The following NDUFA5 variants were observed in gnomAD, a reference collection of about 807,000 sequenced individuals.
NDUFA5 encodes the protein NADH dehydrogenase [ubiquinone] 1 alpha subcomplex subunit 5.
Under a neutral mutation model 19.8 loss-of-function variants are expected in NDUFA5, and 11 were observed. That is an observed-to-expected ratio of 0.56 (90% CI 0.35 to 0.92). NDUFA5 has a LOEUF of 0.92. Ranked by LOEUF, NDUFA5 falls within the 40% of genes least tolerant of loss-of-function variation. The pLI is 0.01. For synonymous variants in NDUFA5, 47 were observed against 46.8 expected (o/e 1.00, Z -0.01); for missense variants, 109 against 134.2 (o/e 0.81, Z 0.93).
At chr7:123,561,513 A>G (rs1384150959), upstream of NDUFA5, among the ~76,000 whole-genome samples, 3 of 152,118 alleles carry the variant, frequency 2.0e-5, no homozygotes, top group Non-Finnish European at 4.4e-5. Flanking sequence ...TTTTCCACTG[A>G]TCTTCAACCC....
chr7:123,576,339 T>G, the NDUFA5 span, among the ~76,000 whole-genome samples: 2 of 152,048 alleles, frequency 1.3e-5, no homozygotes, highest in African/African-American at 4.8e-5. Flanking sequence ...AGTTGTGTTT[T>G]TTGTTGTTGT....
At chr7:123,591,715 G>C in the NDUFA5 span, among the ~76,000 whole-genome samples, 1 of 152,112 alleles carries the variant, frequency 6.6e-6, no homozygotes, top group Non-Finnish European at 1.5e-5. Context: ...GTTTTACTGA[G>C]GATTTTCACA....
At chr7:123,578,194 G>T in the NDUFA5 span, among the ~76,000 whole-genome samples, 1 of 149,342 alleles carries the variant, frequency 6.7e-6, no homozygotes, top group Non-Finnish European at 1.5e-5. Context: ...ACCCATACTA[G>T]ATCATCTATT....
the NDUFA5 span, among the ~76,000 whole-genome samples, chr7:123,572,511 G>A: frequency 0.019 from 2,812 of 151,234 alleles, 80 homozygotes; most frequent in African/African-American, 0.064. Context: ...TATATTTTAT[G>A]TTCTTTTCAG....
At chr7:123,544,135 T>C (rs915708096) in intron 4 of NDUFA5, among the ~76,000 whole-genome samples, 2 of 152,176 alleles carry the variant, frequency 1.3e-5, no homozygotes, top group African/African-American at 4.8e-5. Context: ...CAGACACTTA[T>C]AAGATGAAGA....
At chr7:123,587,379 C>A in the NDUFA5 span, among the ~76,000 whole-genome samples, 1 of 150,724 alleles carries the variant, frequency 6.6e-6, no homozygotes, top group Non-Finnish European at 1.5e-5. Context: ...CTACTAATTT[C>A]TGTAGGTTAA....
the NDUFA5 span, among the ~76,000 whole-genome samples, chr7:123,597,723 C>T: frequency 5.9e-5 from 9 of 152,016 alleles, no homozygotes; most frequent in Non-Finnish European, 1.0e-4. Context: ...CCTAGCTACG[C>T]GGGAGGCTGA....
chr7:123,582,060 C>G, the NDUFA5 span, among the ~76,000 whole-genome samples: 1 of 151,966 alleles, frequency 6.6e-6, no homozygotes, highest in Non-Finnish European at 1.5e-5. Flanking sequence ...AAATCTCCAT[C>G]TATATTGTAA....
the NDUFA5 span, among the ~76,000 whole-genome samples, chr7:123,575,646 T>G: frequency 2.0e-5 from 3 of 152,088 alleles, no homozygotes; most frequent in African/African-American, 7.2e-5. Flanking sequence ...GTTGTAACAA[T>G]ATGTTTGTAA....
At chr7:123,561,808 G>A (rs1010592805), upstream of NDUFA5, among the ~76,000 whole-genome samples, 3 of 151,758 alleles carry the variant, frequency 2.0e-5, no homozygotes, top group Admixed American at 6.6e-5. Context: ...GTCTTGGCCG[G>A]GCTGGTCTTG....
the NDUFA5 span, among the ~76,000 whole-genome samples, chr7:123,592,716 A>G: frequency 1.3e-5 from 2 of 152,222 alleles, no homozygotes; most frequent in East Asian, 1.9e-4. Flanking sequence ...TTTTTGGTCA[A>G]TTTCGGAATA....
upstream of NDUFA5, among the ~76,000 whole-genome samples, chr7:123,558,751 T>A (rs1346807310): frequency 6.6e-6 from 1 of 152,168 alleles, no homozygotes; most frequent in Non-Finnish European, 1.5e-5. Context: ...ATGAAAGGTG[T>A]TGTTTGCCAT....
the NDUFA5 span, among the ~76,000 whole-genome samples, chr7:123,568,176 G>C: frequency 6.6e-6 from 1 of 152,078 alleles, no homozygotes; most frequent in Non-Finnish European, 1.5e-5. Flanking sequence ...ACTGAGATTT[G>C]GATTAAGTTT....
the NDUFA5 span, among the ~76,000 whole-genome samples, chr7:123,569,536 G>A: frequency 3.9e-5 from 6 of 152,208 alleles, no homozygotes; most frequent in Non-Finnish European, 7.3e-5. Flanking sequence ...TGACTTAAGA[G>A]ACCATAAAAT....
At chr7:123,563,609 T>C in the NDUFA5 span, among the ~76,000 whole-genome samples, 1 of 152,178 alleles carries the variant, frequency 6.6e-6, no homozygotes, top group Non-Finnish European at 1.5e-5. Context: ...AGTGAGTACA[T>C]GCTGTTGGAA....
the NDUFA5 span, among the ~76,000 whole-genome samples, chr7:123,591,136 T>G: frequency 6.6e-6 from 1 of 152,178 alleles, no homozygotes; most frequent in Non-Finnish European, 1.5e-5. Flanking sequence ...TTGTGATTTT[T>G]GCAAATTGAT....
At chr7:123,594,500 C>T in the NDUFA5 span, among the ~76,000 whole-genome samples, 2 of 152,246 alleles carry the variant, frequency 1.3e-5, no homozygotes, top group African/African-American at 4.8e-5. Context: ...TGATGCTATT[C>T]CTTTCTGTTT....
At chr7:123,564,555 A>C in the NDUFA5 span, among the ~76,000 whole-genome samples, 810 of 152,200 alleles carry the variant, frequency 5.3e-3, 3 homozygotes, top group African/African-American at 0.018. Flanking sequence ...AAATAGCCAT[A>C]TATATAGGAG....
chr7:123,542,230 C>T lies in NDUFA5; in HGVS notation c.250-10G>A, dbSNP rs1473817343. ...TTAGTTCATGTTCAGCCTGTTAATA[C>T]AAATTTTTTAAAAGATCATTGGATT... On this transcript the variant is annotated splice_polypyrimidine_tract_variant and intron_variant, in intron 4 of 4. Transcript: ENST00000355749. The T allele has an allele frequency of 5.0e-6, 8 of 1,598,026 alleles. No homozygotes were observed. Among genetic ancestry groups the T allele is most frequent in the Non-Finnish European group, 6.8e-6 (8 of 1,171,970 alleles).
Sources: allele counts gnomAD v4.1 joint callset (sites outside exome capture counted in the v4.1 genomes callset), GRCh38; gene constraint gnomAD v4.1.1; transcripts MANE v1.5; gene names NCBI Gene and HGNC (gene_info 2026-07-23, HGNC 2026-07-21).